ZFYVE26: variants seen among roughly 807,000 people sequenced by gnomAD.
ZFYVE26 encodes zinc finger FYVE-type containing 26.
Under a neutral mutation model 276.5 loss-of-function variants are expected in ZFYVE26, and 181 were observed. The ratio of observed to expected loss-of-function variants is 0.65; its 90% CI spans 0.58 to 0.74. The LOEUF is 0.74. Ranked by LOEUF, ZFYVE26 falls within the 30% of genes least tolerant of loss-of-function variation. The pLI is 0.00. For missense variants in ZFYVE26, 2,821 were observed against 3,097.9 expected (o/e 0.91, Z 2.12); for synonymous variants, 1,129 against 1,203.1 (o/e 0.94, Z 1.27).
At chr14:67,744,310 A>G (rs2038454459), downstream of ZFYVE26, among the ~76,000 whole-genome samples, 1 of 152,178 alleles carries the variant, frequency 6.6e-6, no homozygotes, top group South Asian at 2.1e-4. Context: ...GTTGTGACAT[A>G]TCTTTGTGCT....
At chr14:67,794,979 A>G (rs545988550) in intron 12 of ZFYVE26, among the ~76,000 whole-genome samples, 1 of 152,294 alleles carries the variant, frequency 6.6e-6, no homozygotes, top group African/African-American at 2.4e-5. Flanking sequence ...ACCAAAGTCT[A>G]AGACCTGGCT....
chr14:67,772,678 T>C (rs2039244360), intron 27 of ZFYVE26, among the ~76,000 whole-genome samples: 1 of 152,226 alleles, frequency 6.6e-6, no homozygotes, highest in Non-Finnish European at 1.5e-5. Context: ...CTCATGCCAG[T>C]AATCCCAGCA....
rs1486458340 is a variant in ZFYVE26, at chr14:67,790,755, G to C, written c.2572C>G (p.Leu858Val). 4 of 1,614,006 alleles carry C rather than the reference G, an allele frequency of 2.5e-6. No individual in the cohort carries two copies. Among genetic ancestry groups the C allele is most frequent in the Non-Finnish European group, 3.4e-6 (4 of 1,180,022 alleles). ...EAHQVLFTFNLKSSPSSGELM... is the reference protein window; with the variant it reads ...EAHQVLFTFNVKSSPSSGELM... ...TCCCCTGAACTGGGTGAGGACTTCA[G>C]GTTGAACGTGAACAGCACCTGTCAT... The change falls in exon 15 of 42, where the codon CTG becomes GTG. Residue 858 changes from leucine (L) to valine (V), a missense_variant. Transcript: ENST00000347230.
At chr14:67,768,573 T>C in intron 29 of ZFYVE26, 25 bp from the exon 30 acceptor site, 5 of 1,613,244 alleles carry the variant, frequency 3.1e-6, no homozygotes, top group Non-Finnish European at 4.2e-6. Flanking sequence ...AGAAAAATTA[T>C]TAAATAAATG....
Position 67,805,481 on chromosome 14 carries a change from C to G in ZFYVE26, c.1155G>C (p.Arg385Ser). ...THCQSLESAK[R>S]LLQTLHRTQG... ...GGGTCCTGTGCAGGGTCTGGAGCAG[C>G]CTCTTGGCTGACTCTAGGCTCTGGC... Residue 385 changes from arginine to serine, a missense_variant, in exon 7 of 42, where the codon AGG becomes AGC. Transcript: ENST00000347230. 1 of 1,614,220 alleles carries G rather than the reference C, an allele frequency of 6.2e-7. No individual in the cohort carries two copies. Among genetic ancestry groups the G allele is most frequent in the South Asian group, 1.1e-5 (1 of 91,084 alleles).
chr14:67,755,333 C>T, intron 36 of ZFYVE26, 83 bp from the exon 37 acceptor site: 1 of 1,509,070 alleles, frequency 6.6e-7, no homozygotes, highest in Non-Finnish European at 9.1e-7. Context: ...CATCTGATTT[C>T]TGCCTATGAG....
At position 67,748,021 on chromosome 14, in the gene ZFYVE26, A is replaced by T. The variant is rs2140175487; in HGVS notation, c.*415T>A. 1 of 239,918 alleles carries T rather than the reference A, an allele frequency of 4.2e-6. No individual in the cohort carries two copies. The highest frequency in any genetic ancestry group is 8.3e-6 in the Non-Finnish European group (1 of 121,134). 14.9% of individuals were successfully genotyped at this position (239,918 alleles called of 1,614,324 possible). On this transcript the variant is annotated 3_prime_UTR_variant, in exon 42 of 42. Coordinates refer to ENST00000347230, the MANE Select transcript of ZFYVE26 (RefSeq NM_015346.4). ...AGAGGGGGGACTATACAAACAGGAC[A>T]ACCCGGGTCAAGAACCAAAACGCAG...
At position 67,789,467 on chromosome 14, in the gene ZFYVE26, C is replaced by G. The variant is rs116890187; in HGVS notation, c.2887G>C (p.Val963Leu). 7.4e-3 allele frequency: 11,988 copies of G among 1,614,220 alleles called. 57 individuals carry two copies. The highest frequency in any genetic ancestry group is 0.01 in the Middle Eastern group (63 of 6,062). The change falls in exon 16 of 42, where the codon GTT becomes CTT. Residue 963 changes from valine (V) to leucine (L), a missense_variant. By Grantham distance (32) the Val-to-Leu change is conservative. Coordinates refer to ENST00000347230, the MANE Select transcript of ZFYVE26 (RefSeq NM_015346.4). ...GCAGGGGGACTGAGGTCTTCCAGAA[C>G]CTCTCTCAGGGGAGCAGTGGGCTCC... ...LVEPTAPLRE[V>L]LEDLSPPAMA...
chr14:67,790,845 C>A (rs2039796077), intron 14 of ZFYVE26, 72 bp from the exon 15 acceptor site: 10 of 1,415,616 alleles, frequency 7.1e-6, no homozygotes, highest in African/African-American at 1.4e-5. Flanking sequence ...GATAGGAGAT[C>A]TTGCCAACCA....
intron 29 of ZFYVE26, among the ~76,000 whole-genome samples, 186 bp from the exon 30 acceptor site, chr14:67,768,734 G>A (rs1594897660): frequency 6.6e-6 from 1 of 152,144 alleles, no homozygotes; most frequent in Non-Finnish European, 1.5e-5. Context: ...GCAGTATGGT[G>A]TGTGGGTAAT....
intron 19 of ZFYVE26, among the ~76,000 whole-genome samples, 176 bp downstream of exon 19, chr14:67,784,883 T>C (rs1364473831): frequency 2.6e-5 from 4 of 152,216 alleles, no homozygotes; most frequent in Non-Finnish European, 5.9e-5. Flanking sequence ...TATACAGCTA[T>C]ACTAGCACAA....
At chr14:67,815,497 C>T (rs2040383397) in intron 2 of ZFYVE26, 1 of 499,578 alleles carries the variant, frequency 2.0e-6, no homozygotes, top group South Asian at 2.3e-5. Context: ...TGCAGTTCCA[C>T]CATCTATATT....
downstream of ZFYVE26, among the ~76,000 whole-genome samples, chr14:67,743,639 AT>A (rs2038446393): frequency 6.6e-6 from 1 of 152,218 alleles, no homozygotes; most frequent in African/African-American, 2.4e-5. Flanking sequence ...ACATGCTAAT[AT>A]TTTTAGGTGC....
intron 35 of ZFYVE26, 40 bp from the exon 36 acceptor site, chr14:67,756,185 T>G (rs2038775469): frequency 1.2e-6 from 2 of 1,605,522 alleles, no homozygotes; most frequent in Non-Finnish European, 1.7e-6. Flanking sequence ...GTCTTGAGCC[T>G]GGTTCTGGCA....
At chr14:67,775,203 G>T in intron 26 of ZFYVE26, 89 bp from the exon 27 acceptor site, 2 of 872,268 alleles carry the variant, frequency 2.3e-6, no homozygotes, top group Non-Finnish European at 3.5e-6. Flanking sequence ...AGCTCTGTTG[G>T]CTTCTCTGAT....
Position 67,748,250 on chromosome 14 carries a change from A to T in ZFYVE26, c.*186T>A. Reference sequence around the variant, plus strand: ...CACATAGATTCCACAATTTTAGAGAAACATGGCACTTGCGTGAAAGGTCCT... The same window carrying T: ...CACATAGATTCCACAATTTTAGAGATACATGGCACTTGCGTGAAAGGTCCT... On this transcript the variant is annotated 3_prime_UTR_variant, in exon 42 of 42. Coordinates refer to ENST00000347230, the MANE Select transcript of ZFYVE26 (RefSeq NM_015346.4). 1.6e-6 allele frequency: 1 copy of T among 644,980 alleles called. No homozygotes were observed. The highest frequency in any genetic ancestry group is 2.6e-6 in the Non-Finnish European group (1 of 377,622). 40.0% of individuals were successfully genotyped at this position (644,980 alleles called of 1,614,324 possible).
intron 28 of ZFYVE26, 24 bp from the exon 29 acceptor site, chr14:67,769,754 AAG>A (rs2039156857): frequency 6.2e-7 from 1 of 1,613,880 alleles, no homozygotes; most frequent in African/African-American, 1.3e-5. Context: ...TCAGGAGGAG[AAG>A]AAAGAGGGAG....
chr14:67,754,010 T>A, intron 38 of ZFYVE26, 61 bp downstream of exon 38: 1 of 1,612,710 alleles, frequency 6.2e-7, no homozygotes, highest in Non-Finnish European at 8.5e-7. Flanking sequence ...ACAACTGCAA[T>A]TATGATAAGT....
At position 67,806,691 on chromosome 14, in the gene ZFYVE26, G is replaced by A. The variant is rs2040187489; in HGVS notation, c.887-16C>T. On this transcript the variant is annotated splice_polypyrimidine_tract_variant and intron_variant, in intron 5 of 41. Coordinates refer to ENST00000347230, the MANE Select transcript of ZFYVE26 (RefSeq NM_015346.4). Reference sequence around the variant, plus strand: ...TCCGGTGAGACTGAACATCAAACAAGACGGTTATCAGGAAACCAAGAACTC... The same window carrying A: ...TCCGGTGAGACTGAACATCAAACAAAACGGTTATCAGGAAACCAAGAACTC... 6.2e-7 allele frequency: 1 copy of A among 1,611,508 alleles called. No individual in the cohort carries two copies. Among genetic ancestry groups the A allele is most frequent in the South Asian group, 1.1e-5 (1 of 90,860 alleles).
Sources: gnomAD v4.1 joint callset for allele counts (sites outside exome capture counted in the v4.1 genomes callset) on GRCh38, gnomAD v4.1.1 for gene constraint, MANE v1.5 for transcripts, NCBI Gene and HGNC (gene_info 2026-07-23, HGNC 2026-07-21) for gene names.